The following CALB2 variants were observed in gnomAD, a reference collection of about 807,000 sequenced individuals.
CALB2 encodes the protein calretinin.
Under a neutral mutation model 45.9 loss-of-function variants are expected in CALB2, and 34 were observed. That is an observed-to-expected ratio of 0.74 (90% CI 0.56 to 0.99). CALB2 has a LOEUF of 0.99. Among genes scored for constraint, CALB2 ranks in the 50% least tolerant of loss-of-function variants. The probability of loss-of-function intolerance (pLI) is 0.00; values close to 1 mark genes in which losing one functional copy is unlikely to be tolerated. For missense variants in CALB2, 344 were observed against 339.3 expected (o/e 1.01, Z -0.11); for synonymous variants, 142 against 129.6 (o/e 1.10, Z -0.65).
intron 4 of CALB2, among the ~76,000 whole-genome samples, 188 bp from the exon 5 acceptor site, chr16:71,382,531 C>T (rs115264407): frequency 0.019 from 2,937 of 152,320 alleles, 95 homozygotes; most frequent in African/African-American, 0.065. Context: ...AGATCACTGT[C>T]GAGATACTTC....
intron 2 of CALB2, 143 bp from the exon 3 acceptor site, chr16:71,374,602 A>G (rs1025835339): frequency 7.1e-5 from 42 of 587,954 alleles, no homozygotes; most frequent in Non-Finnish European, 8.2e-5. Flanking sequence ...AAAACAACAC[A>G]GCTCTGATCA....
intron 1 of CALB2, among the ~76,000 whole-genome samples, chr16:71,370,209 A>G (rs956506270): frequency 6.6e-6 from 1 of 152,226 alleles, no homozygotes; most frequent in African/African-American, 2.4e-5. Flanking sequence ...CTCTAAGTTT[A>G]TTAAGAATTT....
intron 10 of CALB2, among the ~76,000 whole-genome samples, chr16:71,386,367 A>C (rs1262504972): frequency 1.3e-5 from 2 of 152,224 alleles, no homozygotes; most frequent in Non-Finnish European, 1.5e-5. Context: ...TTTCCACACA[A>C]AGAGAGATTC....
intron 10 of CALB2, among the ~76,000 whole-genome samples, chr16:71,386,014 G>A (rs1206625433): frequency 6.6e-6 from 1 of 152,038 alleles, no homozygotes; most frequent in Non-Finnish European, 1.5e-5. Flanking sequence ...CCATTCCCCT[G>A]TCCCCCATCT....
intron 1 of CALB2, among the ~76,000 whole-genome samples, chr16:71,370,164 A>G (rs1487795782): frequency 1.3e-5 from 2 of 152,200 alleles, no homozygotes; most frequent in South Asian, 2.1e-4. Context: ...GTGCCATACA[A>G]TATTTATTGT....
intron 1 of CALB2, among the ~76,000 whole-genome samples, chr16:71,370,296 G>A (rs2042333327): frequency 6.6e-6 from 1 of 152,180 alleles, no homozygotes. Context: ...TGGGGTAAAT[G>A]CTCCTTTATT....
At position 71,366,987 on chromosome 16, in the gene CALB2, A is replaced by C. The variant is rs1351718454; in HGVS notation, c.95-5166A>C. Among the ~76,000 whole-genome samples, 4 of 152,058 alleles carry C rather than the reference A, an allele frequency of 2.6e-5. No homozygotes were observed. The East Asian group carries it at 7.8e-4, about 30-fold the overall frequency. On this transcript the variant is annotated intron_variant, in intron 1 of 10. Transcript: ENST00000302628. ...TACTCAGGTACCTCTTACCTGTTCA[A>C]CTCCTAGAAAATCTGAATGTACAAG...
chr16:71,387,674 C>T (rs931719734), intron 10 of CALB2, among the ~76,000 whole-genome samples: 1 of 152,174 alleles, frequency 6.6e-6, no homozygotes, highest in Non-Finnish European at 1.5e-5. Context: ...AGGAAGTAAG[C>T]AGCCCCTCCC....
Position 71,384,391 on chromosome 16 carries a change from T to C in CALB2, c.573+13T>C. 6.3e-7 allele frequency: 1 copy of C among 1,596,260 alleles called. No homozygotes were observed. The highest frequency in any genetic ancestry group is 8.5e-7 in the Non-Finnish European group (1 of 1,172,446). ...GCTTAAATTTCAGGTAAAACTTTGC[T>C]TTCCTTCCTTCCCCCTTCCCTCATC... On this transcript the variant is annotated intron_variant, in intron 8 of 10. Coordinates refer to ENST00000302628, the MANE Select transcript of CALB2 (RefSeq NM_001740.5).
At chr16:71,374,144 G>A (rs2042383665) in intron 2 of CALB2, among the ~76,000 whole-genome samples, 1 of 152,216 alleles carries the variant, frequency 6.6e-6, no homozygotes, top group South Asian at 2.1e-4. Flanking sequence ...CTGTGGGCTT[G>A]AAGGAATGTT....
chr16:71,372,228 T>C lies in CALB2; in HGVS notation c.170T>C (p.Met57Thr), dbSNP rs756527980. 7 of 1,611,550 alleles carry C rather than the reference T, an allele frequency of 4.3e-6. No individual in the cohort carries two copies. The highest frequency in any genetic ancestry group is 1.3e-5 in the African/African-American group (1 of 74,858). ...GAGAAGGCAAGGAAAGGCTCTGGCA[T>C]GGTAAGCCCAGCCCTGTCTCCGATT... ...ELEKARKGSGMMSKSDNFGEK... is the reference protein window; with the variant it reads ...ELEKARKGSGTMSKSDNFGEK... Residue 57 changes from methionine (M) to threonine (T), a missense_variant and splice_region_variant, in exon 2 of 11, where the codon ATG becomes ACG. Coordinates refer to ENST00000302628, the MANE Select transcript of CALB2 (RefSeq NM_001740.5).
rs1009790137 is a variant in CALB2, at chr16:71,389,484, T to C, written c.700-265T>C. ...AACACCTCCATGAGGCATGAACTTTTAGTGTACCCATTTTACAGGTGAGGC... is the reference window on the plus strand; with the variant it reads ...AACACCTCCATGAGGCATGAACTTTCAGTGTACCCATTTTACAGGTGAGGC... On this transcript the variant is annotated intron_variant, in intron 10 of 10. Coordinates refer to ENST00000302628, the MANE Select transcript of CALB2 (RefSeq NM_001740.5). 6.5e-6 allele frequency: 4 copies of C among 619,146 alleles called. No homozygotes were observed. The African/African-American group carries it at 7.2e-5, about 11-fold the overall frequency. The allele number at this position is 619,146 out of a possible 1,614,324, so 38.4% of individuals were successfully genotyped here.
intron 1 of CALB2, among the ~76,000 whole-genome samples, chr16:71,365,452 A>C (rs1003596428): frequency 1.8e-4 from 27 of 152,168 alleles, no homozygotes; most frequent in South Asian, 2.1e-4. Flanking sequence ...AGTCCTTAGA[A>C]TTTGCATTTC....
rs921962326 is a variant in CALB2 at position 71,382,697 on chromosome 16, G to A, written c.343-22G>A. 5.0e-6 allele frequency: 8 copies of A among 1,609,024 alleles called. No homozygotes were observed. In the Admixed American group the frequency reaches 1.0e-4, roughly 20 times the overall value. ...GATTTTGATACGTCTTTGCAAAGAG[G>A]TTGACATTCCTGTTGTTGCAGGCTT... On this transcript the variant is annotated intron_variant, in intron 4 of 10. Coordinates refer to ENST00000302628, the MANE Select transcript of CALB2 (RefSeq NM_001740.5).
chr16:71,370,551 G>T (rs1394764311), intron 1 of CALB2, among the ~76,000 whole-genome samples: 1 of 152,076 alleles, frequency 6.6e-6, no homozygotes, highest in African/African-American at 2.4e-5. Context: ...TAGAGGTGGG[G>T]GCCAGATATC....
chr16:71,375,668 G>T (rs1199156182), intron 3 of CALB2, among the ~76,000 whole-genome samples: 1 of 152,240 alleles, frequency 6.6e-6, no homozygotes, highest in Admixed American at 6.5e-5. Flanking sequence ...GAGTGGAAGT[G>T]GCTTACTGAG....
chr16:71,364,667 C>G (rs916551071), intron 1 of CALB2, among the ~76,000 whole-genome samples: 12 of 152,222 alleles, frequency 7.9e-5, no homozygotes, highest in Admixed American at 2.0e-4. Flanking sequence ...GCCAGATGTC[C>G]ACAGGTTCAG....
chr16:71,367,328 G>C (rs1015941832), intron 1 of CALB2, among the ~76,000 whole-genome samples: 3 of 152,140 alleles, frequency 2.0e-5, no homozygotes, highest in African/African-American at 7.2e-5. Flanking sequence ...CCATCCGCAT[G>C]AGCCTTGCTT....
At chr16:71,367,207 T>C (rs2042296999) in intron 1 of CALB2, among the ~76,000 whole-genome samples, 1 of 152,206 alleles carries the variant, frequency 6.6e-6, no homozygotes, top group Non-Finnish European at 1.5e-5. Flanking sequence ...GCAGGGTCTC[T>C]GGCTCTCACT....
Sources: allele counts gnomAD v4.1 joint callset (sites outside exome capture counted in the v4.1 genomes callset), GRCh38; gene constraint gnomAD v4.1.1; transcripts MANE v1.5; gene names NCBI Gene and HGNC (gene_info 2026-07-23, HGNC 2026-07-21).